SECISBP2L: variants seen among roughly 807,000 people sequenced by gnomAD.
The protein encoded by SECISBP2L is SECIS binding protein 2 like.
SECISBP2L carries 43 observed loss-of-function variants against 114.7 expected under a neutral mutation model. The ratio of observed to expected loss-of-function variants is 0.38; its 90% CI spans 0.29 to 0.48. The LOEUF (loss-of-function observed/expected upper bound fraction) is 0.48. Among genes scored for constraint, SECISBP2L ranks in the 20% least tolerant of loss-of-function variants. The pLI is 0.98. For missense variants in SECISBP2L, 1,136 were observed against 1,301.1 expected (o/e 0.87, Z 1.95); for synonymous variants, 451 against 439.7 (o/e 1.03, Z -0.32).
Position 49,016,829 on chromosome 15 carries a change from C to G in SECISBP2L, c.1419+19G>C, listed in dbSNP as rs1902546445. The G allele has an allele frequency of 6.2e-7, 1 of 1,605,148 alleles. No homozygotes were observed. Among genetic ancestry groups the G allele is most frequent in the African/African-American group, 1.3e-5 (1 of 74,498 alleles). Reference sequence around the variant, plus strand: ...TAGCAAGTAAACTATCACATTTGTTCATAAAAATGAATATGTACCTGTAAT... The same window carrying G: ...TAGCAAGTAAACTATCACATTTGTTGATAAAAATGAATATGTACCTGTAAT... On this transcript the variant is annotated intron_variant, in intron 10 of 17. Transcript: ENST00000559471.
At chr15:49,045,378 C>T (rs1026299250) in intron 1 of SECISBP2L, among the ~76,000 whole-genome samples, 3 of 152,174 alleles carry the variant, frequency 2.0e-5, no homozygotes, top group Admixed American at 6.5e-5. Context: ...TTACTAGCCT[C>T]TCTTCTTCCG....
At chr15:49,046,139 C>T in intron 1 of SECISBP2L, 137 bp downstream of exon 1, 1 of 954,162 alleles carries the variant, frequency 1.0e-6, no homozygotes, top group South Asian at 1.6e-5. Context: ...GAGCTGGGAG[C>T]TGCCAGGCTC....
rs569816208 is a variant in SECISBP2L, at chr15:49,024,280, G to A, written c.1035+3085C>T. On this transcript the variant is annotated intron_variant, in intron 7 of 17. Transcript: ENST00000559471. ...TGGGAGGCCGAGGTGGGTGGATCAC[G>A]AGGTCAGGAGTTTGAGACCAGCCTG... Among the ~76,000 whole-genome samples, 6 of 152,102 alleles carry A rather than the reference G, an allele frequency of 3.9e-5. No individual in the cohort carries two copies. The East Asian group carries it at 5.8e-4, about 15-fold the overall frequency.
In SECISBP2L at chr15:48,996,356, C is replaced by A. The variant is rs759143150; in HGVS notation, c.2623+11G>T. On this transcript the variant is annotated intron_variant, in intron 17 of 17. Coordinates refer to ENST00000559471, the MANE Select transcript of SECISBP2L (RefSeq NM_001193489.2). Reference sequence around the variant, plus strand: ...GGTTTAAGTCATTTAAAATAGTATTCAACAACTTACCATATTCCTTTTCAT... The same window carrying A: ...GGTTTAAGTCATTTAAAATAGTATTAAACAACTTACCATATTCCTTTTCAT... 1 of 1,608,344 alleles carries A rather than the reference C, an allele frequency of 6.2e-7. No homozygotes were observed. Among genetic ancestry groups the A allele is most frequent in the South Asian group, 1.1e-5 (1 of 90,744 alleles).
chr15:49,032,077 T>A (rs899918135), intron 4 of SECISBP2L, among the ~76,000 whole-genome samples: 5 of 152,288 alleles, frequency 3.3e-5, no homozygotes, highest in Middle Eastern at 3.4e-3. Flanking sequence ...TCCTAATGGA[T>A]CTAAGCAACC....
At position 49,011,672 on chromosome 15, in the gene SECISBP2L, T is replaced by C. The variant is rs1902438659; in HGVS notation, c.1864+59A>G. 2.5e-6 allele frequency: 4 copies of C among 1,584,230 alleles called. No homozygotes were observed. The Admixed American group carries it at 7.0e-5, about 28-fold the overall frequency. On this transcript the variant is annotated intron_variant, in intron 13 of 17. Transcript: ENST00000559471. ...GAGCATTAACTAGTGATAGCTTACG[T>C]ATCTATTAAAATATTTCAGACCATT...
chr15:49,000,731 A>G, intron 15 of SECISBP2L, 146 bp downstream of exon 15: 1 of 607,958 alleles, frequency 1.6e-6, no homozygotes, highest in Non-Finnish European at 2.8e-6. Context: ...AATTTCAGGT[A>G]TTGAAAGACT....
At chr15:49,034,063 C>T (rs1229736232) in intron 3 of SECISBP2L, among the ~76,000 whole-genome samples, 1 of 151,722 alleles carries the variant, frequency 6.6e-6, no homozygotes, top group Non-Finnish European at 1.5e-5. Context: ...ATTCTGAGTT[C>T]CCGAAAAGAT....
chr15:48,992,526 A>G lies in SECISBP2L; in HGVS notation c.3024T>C (p.Ser1008=), dbSNP rs1308343482. The change falls in exon 18 of 18, where the codon TCT becomes TCC. Residue 1008 remains serine, a synonymous_variant. Coordinates refer to ENST00000559471, the MANE Select transcript of SECISBP2L (RefSeq NM_001193489.2). ...EEEDYTHEPI[S]VEVQLNSRIE... is the part of the protein sequence containing the mutation. ...TTCTACTATTGAGCTGCACTTCTAC[A>G]GATATGGGTTCATGAGTATAATCTT... 1.9e-6 allele frequency: 3 copies of G among 1,614,094 alleles called. No homozygotes were observed. The highest frequency in any genetic ancestry group is 2.5e-6 in the Non-Finnish European group (3 of 1,180,046).
chr15:49,013,517 G>A (rs779729202), intron 11 of SECISBP2L, among the ~76,000 whole-genome samples: 12 of 152,236 alleles, frequency 7.9e-5, no homozygotes, highest in Non-Finnish European at 1.0e-4. Flanking sequence ...GGATGGTCTC[G>A]ATCTCTTGAC....
intron 3 of SECISBP2L, among the ~76,000 whole-genome samples, chr15:49,034,042 C>CT (rs35130544): frequency 0.26 from 39,443 of 151,456 alleles, 5,870 homozygotes; most frequent in East Asian, 0.34. Flanking sequence ...ATTTCCAACA[C>CT]TTTTTTTTTC....
intron 1 of SECISBP2L, among the ~76,000 whole-genome samples, chr15:49,045,592 AAAAAT>A (rs1421487410): frequency 6.6e-6 from 1 of 152,226 alleles, no homozygotes; most frequent in African/African-American, 2.4e-5. Context: ...TGATGCAAAT[AAAAAT>A]AAAACAGAAC....
At chr15:49,041,880 A>C (rs1027542015) in intron 1 of SECISBP2L, among the ~76,000 whole-genome samples, 2 of 152,268 alleles carry the variant, frequency 1.3e-5, no homozygotes, top group Non-Finnish European at 2.9e-5. Context: ...AATGCTTAAG[A>C]GATAACTACT....
chr15:48,992,889 T>G lies in SECISBP2L; in HGVS notation c.2661A>C (p.Gly887=), dbSNP rs368290048. ...NWRNMVETSD[G]LEASENEKEV... ...CTTTCTCATTTTCTGATGCTTCCAG[T>G]CCATCTGAAGTTTCCACCATGTTTC... The change falls in exon 18 of 18, where the codon GGA becomes GGC. Residue 887 remains glycine, a synonymous_variant. Transcript: ENST00000559471. 7.9e-5 allele frequency: 127 copies of G among 1,614,098 alleles called. 2 individuals are homozygous for G. The South Asian group carries it at 1.3e-3, about 16-fold the overall frequency.
At chr15:49,003,618 T>C (rs1902255634) in intron 14 of SECISBP2L, among the ~76,000 whole-genome samples, 1 of 152,224 alleles carries the variant, frequency 6.6e-6, no homozygotes, top group Non-Finnish European at 1.5e-5. Context: ...ACTCCATCAA[T>C]ACCTAGTTTA....
At chr15:49,028,243 A>C in intron 5 of SECISBP2L, 75 bp from the exon 6 acceptor site, 2 of 1,328,912 alleles carry the variant, frequency 1.5e-6, no homozygotes, top group Non-Finnish European at 2.1e-6. Flanking sequence ...ATGTTTTATA[A>C]TTTATCCTAG....
At position 49,033,006 on chromosome 15, in the gene SECISBP2L, C is replaced by A. The variant is rs760749541; in HGVS notation, c.623G>T (p.Arg208Leu). Residue 208 changes from arginine to leucine, a missense_variant, in exon 4 of 18, where the codon CGA becomes CTA. Coordinates refer to ENST00000559471, the MANE Select transcript of SECISBP2L (RefSeq NM_001193489.2). ...ATCTACCAGAAGCACAATTTTTGAT[C>A]GACTATCAGGACCTGCTGCATTTGT... Reference protein sequence around the residue: ...KETNAAGPDSRSKIVLLVDAS... With the variant: ...KETNAAGPDSLSKIVLLVDAS... 1 of 1,613,886 alleles carries A rather than the reference C, an allele frequency of 6.2e-7. No individual in the cohort carries two copies. Among genetic ancestry groups the A allele is most frequent in the Non-Finnish European group, 8.5e-7 (1 of 1,179,912 alleles).
chr15:48,992,680 T>C lies in SECISBP2L; in HGVS notation c.2870A>G (p.Gln957Arg). ...ATCCAAAGAGCCAGTCTCTGTACTC[T>C]GCTGTGAGGCCCATTCCAGGTCATC... Reference protein sequence around the residue: ...KPDDLEWASQQSTETGSLDGS... With the variant: ...KPDDLEWASQRSTETGSLDGS... Residue 957 changes from glutamine (Q) to arginine (R), a missense_variant, in exon 18 of 18, where the codon CAG (glutamine) becomes CGG (arginine). Coordinates refer to ENST00000559471, the MANE Select transcript of SECISBP2L (RefSeq NM_001193489.2). 6.2e-7 allele frequency: 1 copy of C among 1,614,240 alleles called. No homozygotes were observed. The highest frequency in any genetic ancestry group is 8.5e-7 in the Non-Finnish European group (1 of 1,180,050).
rs1289351109 is a variant in SECISBP2L at position 49,033,094 on chromosome 15, G to C, written c.535C>G (p.Leu179Val). Residue 179 changes from leucine (L) to valine (V), a missense_variant, in exon 4 of 18, where the codon CTT becomes GTT. Physicochemically the swap from Leu to Val is conservative, Grantham distance 32 (BLOSUM62 1). Transcript: ENST00000559471. ...NRGSVVPKQQ[L>V]LQQHIKSKRP... ...TTGCTTTTTATGTGCTGTTGTAAAA[G>C]CTGTTGCTGATTTAAAAAAAAAACA... 4 of 1,607,234 alleles carry C rather than the reference G, an allele frequency of 2.5e-6. No homozygotes were observed. Among genetic ancestry groups the C allele is most frequent in the Non-Finnish European group, 3.4e-6 (4 of 1,178,288 alleles).
Sources: allele counts gnomAD v4.1 joint callset (sites outside exome capture counted in the v4.1 genomes callset), GRCh38; gene constraint gnomAD v4.1.1; transcripts MANE v1.5; gene names NCBI Gene and HGNC (gene_info 2026-07-23, HGNC 2026-07-21).